The following JAK1 variants were observed in gnomAD, a reference collection of about 807,000 sequenced individuals.
JAK1 encodes tyrosine-protein kinase JAK1.
A neutral mutation model predicts 136.6 loss-of-function variants in JAK1; 16 were observed. That is an observed-to-expected ratio of 0.12 (90% confidence interval 0.08 to 0.18). The LOEUF (loss-of-function observed/expected upper bound fraction) is 0.18. Ranked by LOEUF, JAK1 falls within the 10% of genes least tolerant of loss-of-function variation. The pLI, the probability that JAK1 is intolerant of heterozygous loss-of-function variation, is 1.00. For synonymous variants in JAK1, 492 were observed against 519.5 expected (o/e 0.95, Z 0.72); for missense variants, 859 against 1,450.1 (o/e 0.59, Z 6.62).
chr1:65,043,700 ATTT>A (rs112982943), intron 2 of JAK1, among the ~76,000 whole-genome samples: 3 of 101,266 alleles, frequency 3.0e-5, no homozygotes, highest in African/African-American at 1.1e-4. Context: ...CACCTGGCTA[ATTT>A]TTTTTTTTTT....
At chr1:65,066,507 CT>C (rs1288261920) in intron 1 of JAK1, 1 of 152,274 alleles carries the variant, frequency 6.6e-6, no homozygotes, top group Non-Finnish European at 1.5e-5. Flanking sequence ...GAAACCGAGG[CT>C]TCCCCGCCCT....
chr1:64,838,887 T>C (rs1654668588), intron 20 of JAK1, among the ~76,000 whole-genome samples: 1 of 152,030 alleles, frequency 6.6e-6, no homozygotes, highest in Non-Finnish European at 1.5e-5. Flanking sequence ...GGCTCACGCT[T>C]GTAATCCCAG....
intron 14 of JAK1, among the ~76,000 whole-genome samples, chr1:64,846,126 G>A (rs561841990): frequency 3.5e-4 from 54 of 152,220 alleles, no homozygotes; most frequent in African/African-American, 7.7e-4. Flanking sequence ...AAAAAAAATC[G>A]CTCTTCTTCC....
intron 2 of JAK1, among the ~76,000 whole-genome samples, chr1:65,040,035 C>T (rs1350359319): frequency 2.6e-5 from 4 of 151,978 alleles, no homozygotes; most frequent in South Asian, 4.2e-4. Flanking sequence ...GCCAACATGG[C>T]AAAACCCTGT....
At chr1:64,965,118 T>TA (rs56693886) in intron 1 of JAK1, among the ~76,000 whole-genome samples, 1 of 152,034 alleles carries the variant, frequency 6.6e-6, no homozygotes, top group East Asian at 1.9e-4. Context: ...CTTCAAAAAA[T>TA]AAAAAAATAG....
intron 1 of JAK1, among the ~76,000 whole-genome samples, chr1:64,964,905 A>G (rs372154349): frequency 6.8e-4 from 104 of 152,290 alleles, no homozygotes; most frequent in African/African-American, 2.4e-3. Context: ...ATTAATCTTC[A>G]CCACAAAGTA....
At chr1:64,904,884 G>A (rs923252256) in intron 1 of JAK1, among the ~76,000 whole-genome samples, 2 of 152,108 alleles carry the variant, frequency 1.3e-5, no homozygotes, top group African/African-American at 4.8e-5. Flanking sequence ...TTACCTTCAA[G>A]CAGATATTCC....
intron 2 of JAK1, among the ~76,000 whole-genome samples, chr1:65,010,056 T>C (rs1646835930): frequency 6.6e-6 from 1 of 152,186 alleles, no homozygotes; most frequent in Non-Finnish European, 1.5e-5. Flanking sequence ...ATATCCTAGT[T>C]TTGTACTTTG....
At chr1:64,869,253 A>G in intron 6 of JAK1, 58 bp downstream of exon 6, 1 of 1,517,222 alleles carries the variant, frequency 6.6e-7, no homozygotes, top group Non-Finnish European at 9.1e-7. Flanking sequence ...AATGTGTAAG[A>G]ACATGTAGAA....
At chr1:64,920,492 C>T (rs1471014649) in intron 1 of JAK1, among the ~76,000 whole-genome samples, 3 of 152,112 alleles carry the variant, frequency 2.0e-5, no homozygotes, top group African/African-American at 4.8e-5. Context: ...TGGAAAGAGT[C>T]GAGATCATGC....
chr1:65,053,677 T>C (rs1049461004), intron 1 of JAK1, among the ~76,000 whole-genome samples: 1 of 152,090 alleles, frequency 6.6e-6, no homozygotes, highest in Admixed American at 6.5e-5. Context: ...AGTGAAAACC[T>C]GTCTCTACAA....
intron 20 of JAK1, among the ~76,000 whole-genome samples, chr1:64,839,156 A>G (rs1654722093): frequency 2.0e-5 from 3 of 151,674 alleles, no homozygotes; most frequent in Admixed American, 2.0e-4. Context: ...AAAAAAAAAA[A>G]AAAAAAAAAA....
intron 9 of JAK1, 71 bp downstream of exon 9, chr1:64,860,034 A>G (rs1656187466): frequency 1.5e-6 from 2 of 1,295,234 alleles, no homozygotes; most frequent in Non-Finnish European, 2.1e-6. Context: ...CTAAACAATG[A>G]TGACATGCCC....
chr1:64,973,944 T>C (rs1473670537), intron 2 of JAK1: 3 of 152,118 alleles, frequency 2.0e-5, no homozygotes, highest in Non-Finnish European at 4.4e-5. Context: ...TGACATATAA[T>C]AAAAATTCAA....
intron 6 of JAK1, among the ~76,000 whole-genome samples, chr1:64,868,765 T>C (rs1489206740): frequency 1.3e-5 from 2 of 152,250 alleles, no homozygotes; most frequent in East Asian, 3.8e-4. Flanking sequence ...ATGTCATAGA[T>C]GGACAGAACT....
intron 3 of JAK1, among the ~76,000 whole-genome samples, chr1:64,880,156 C>T (rs933563570): frequency 2.6e-5 from 4 of 152,176 alleles, no homozygotes; most frequent in African/African-American, 4.8e-5. Context: ...CTCTCTCCAA[C>T]GCAGACACTG....
At chr1:65,059,889 T>C (rs1330933021) in intron 1 of JAK1, among the ~76,000 whole-genome samples, 1 of 152,174 alleles carries the variant, frequency 6.6e-6, no homozygotes, top group African/African-American at 2.4e-5. Context: ...GATGAATCAA[T>C]TCTTTAGATC....
At chr1:65,037,750 G>C (rs1647088033) in intron 2 of JAK1, among the ~76,000 whole-genome samples, 1 of 152,114 alleles carries the variant, frequency 6.6e-6, no homozygotes, top group South Asian at 2.1e-4. Flanking sequence ...TATAGTCTTA[G>C]CTACTCGGGA....
At chr1:65,053,594 T>C (rs1314387177) in intron 1 of JAK1, among the ~76,000 whole-genome samples, 25 of 152,238 alleles carry the variant, frequency 1.6e-4, no homozygotes, top group Admixed American at 1.6e-3. Flanking sequence ...CCTAGGCCTG[T>C]AATCCCAGCA....
Sources: allele counts gnomAD v4.1 joint callset (sites outside exome capture counted in the v4.1 genomes callset), GRCh38; gene constraint gnomAD v4.1.1; transcripts MANE v1.5; gene names NCBI Gene and HGNC (gene_info 2026-07-23, HGNC 2026-07-21).